The following GPC5 variants were observed in gnomAD, a reference collection of about 807,000 sequenced individuals.
GPC5 encodes glypican-5.
Under a neutral mutation model 53.9 loss-of-function variants are expected in GPC5, and 47 were observed. The observed-to-expected ratio is 0.87, with a 90% CI of 0.69 to 1.11. The LOEUF (loss-of-function observed/expected upper bound fraction) is 1.11. Ranked by LOEUF, GPC5 falls within the 50% of genes most tolerant of loss-of-function variation. GPC5 has a pLI of 0.00. For synonymous variants in GPC5, 286 were observed against 263.3 expected (o/e 1.09, Z -0.84); for missense variants, 748 against 713.1 (o/e 1.05, Z -0.56).
intron 1 of GPC5, among the ~76,000 whole-genome samples, chr13:91,410,511 A>G (rs939933840): frequency 2.8e-5 from 3 of 107,296 alleles, no homozygotes; most frequent in Non-Finnish European, 6.8e-5. Context: ...ACACCTGGCT[A>G]ATTTTTTTGT....
At chr13:92,716,061 T>C (rs1274049730) in intron 7 of GPC5, among the ~76,000 whole-genome samples, 2 of 152,322 alleles carry the variant, frequency 1.3e-5, no homozygotes, top group East Asian at 3.9e-4. Context: ...ATCCATGATA[T>C]AAGACTCAGG....
intron 6 of GPC5, among the ~76,000 whole-genome samples, chr13:92,004,846 A>G (rs1368782678): frequency 6.6e-6 from 1 of 152,118 alleles, no homozygotes; most frequent in African/African-American, 2.4e-5. Flanking sequence ...ACATGAGAAC[A>G]TTGTAGGGGA....
intron 7 of GPC5, among the ~76,000 whole-genome samples, chr13:92,794,635 C>T (rs897475068): frequency 8.5e-5 from 13 of 152,096 alleles, no homozygotes; most frequent in Non-Finnish European, 1.2e-4. Flanking sequence ...TTAGAAAACC[C>T]CATCGTCTCA....
At chr13:92,807,861 C>T (rs943115515) in intron 7 of GPC5, among the ~76,000 whole-genome samples, 4 of 152,026 alleles carry the variant, frequency 2.6e-5, no homozygotes, top group Non-Finnish European at 5.9e-5. Flanking sequence ...CTGGATGGTT[C>T]GTTTGGCTTT....
intron 6 of GPC5, among the ~76,000 whole-genome samples, chr13:91,974,213 C>A (rs1231979378): frequency 6.6e-6 from 1 of 152,186 alleles, no homozygotes; most frequent in Non-Finnish European, 1.5e-5. Context: ...TGGCACAAGA[C>A]AGGGATGACC....
At chr13:92,704,924 T>C (rs1887900153) in intron 7 of GPC5, among the ~76,000 whole-genome samples, 1 of 121,454 alleles carries the variant, frequency 8.2e-6, no homozygotes, top group Non-Finnish European at 1.7e-5. Context: ...CTTATATGGA[T>C]ATATATATAC....
chr13:91,961,818 AG>A (rs2040128711), intron 6 of GPC5, among the ~76,000 whole-genome samples: 3 of 152,066 alleles, frequency 2.0e-5, no homozygotes, highest in African/African-American at 7.2e-5. Flanking sequence ...AGAAGTTCAA[AG>A]GATCCAATAT....
intron 2 of GPC5, among the ~76,000 whole-genome samples, chr13:91,531,458 T>C (rs1886341283): frequency 6.6e-6 from 1 of 152,184 alleles, no homozygotes; most frequent in Admixed American, 6.5e-5. Flanking sequence ...AATCCCTAAC[T>C]CTCTTTTAAA....
chr13:91,756,187 C>G (rs931249485), intron 4 of GPC5, 108 bp from the exon 5 acceptor site: 8 of 719,758 alleles, frequency 1.1e-5, no homozygotes, highest in Non-Finnish European at 1.6e-5. Context: ...TTATGCATAA[C>G]AATATAAAAA....
chr13:92,624,686 A>G (rs1235025820), intron 7 of GPC5, among the ~76,000 whole-genome samples: 5 of 152,192 alleles, frequency 3.3e-5, no homozygotes, highest in Non-Finnish European at 5.9e-5. Flanking sequence ...TGCTGACACA[A>G]TGAGTTTGAT....
At chr13:92,039,168 A>G (rs893228022) in intron 6 of GPC5, among the ~76,000 whole-genome samples, 1 of 152,228 alleles carries the variant, frequency 6.6e-6, no homozygotes, top group African/African-American at 2.4e-5. Flanking sequence ...GGCTCTGGTC[A>G]TTCTGTCTGA....
chr13:91,868,331 G>A (rs986744116), intron 5 of GPC5, among the ~76,000 whole-genome samples: 3 of 152,078 alleles, frequency 2.0e-5, no homozygotes, highest in Admixed American at 2.0e-4. Context: ...AAAGATTATT[G>A]GAGACTTTGG....
rs190763720 is a variant in GPC5 at position 92,034,671 on chromosome 13, T to C, written c.1402-110159T>C. ...TCACTTTATATTTATTATGTTAAAT[T>C]ATACACTTTTATTTCATGTCCTCTC... On this transcript the variant is annotated intron_variant, in intron 6 of 7. Coordinates refer to ENST00000377067, the MANE Select transcript of GPC5 (RefSeq NM_004466.6). Among the ~76,000 whole-genome samples the C allele has an allele frequency of 3.0e-4, 46 of 152,280 alleles. No individual in the cohort carries two copies. The East Asian group carries it at 7.7e-3, about 26-fold the overall frequency.
intron 2 of GPC5, among the ~76,000 whole-genome samples, chr13:91,510,116 T>C (rs922522611): frequency 1.3e-5 from 2 of 152,168 alleles, no homozygotes; most frequent in African/African-American, 4.8e-5. Flanking sequence ...TGGAAAAATA[T>C]TTCACAGCTA....
At chr13:91,782,761 T>C (rs2037817988) in intron 5 of GPC5, among the ~76,000 whole-genome samples, 1 of 152,206 alleles carries the variant, frequency 6.6e-6, no homozygotes, top group South Asian at 2.1e-4. Flanking sequence ...TCATTTTATA[T>C]GTGAGAAAAC....
intron 7 of GPC5, among the ~76,000 whole-genome samples, chr13:92,505,566 TTTAACA>T (rs1425960592): frequency 6.6e-6 from 1 of 152,072 alleles, no homozygotes; most frequent in Non-Finnish European, 1.5e-5. Flanking sequence ...TCATGTTAAA[TTTAACA>T]TTCACTTACC....
chr13:92,086,308 T>G (rs2041335651), intron 6 of GPC5, among the ~76,000 whole-genome samples: 1 of 152,208 alleles, frequency 6.6e-6, no homozygotes, highest in South Asian at 2.1e-4. Context: ...CTACAGGCCA[T>G]CAGATGTTTT....
At chr13:91,885,524 C>G (rs2039312794) in intron 5 of GPC5, among the ~76,000 whole-genome samples, 1 of 152,162 alleles carries the variant, frequency 6.6e-6, no homozygotes, top group Non-Finnish European at 1.5e-5. Context: ...ATTGCCCTTG[C>G]ATCTTTTCCC....
intron 7 of GPC5, among the ~76,000 whole-genome samples, chr13:92,395,880 A>G (rs539854128): frequency 6.1e-5 from 9 of 147,418 alleles, no homozygotes; most frequent in Non-Finnish European, 1.2e-4. Context: ...TGCAGTTTGA[A>G]TATCATATGT....
Sources: allele counts gnomAD v4.1 joint callset (sites outside exome capture counted in the v4.1 genomes callset), GRCh38; gene constraint gnomAD v4.1.1; transcripts MANE v1.5; gene names NCBI Gene and HGNC (gene_info 2026-07-23, HGNC 2026-07-21).